Variants in TBX19 observed in about 807,000 individuals in gnomAD.
TBX19 encodes T-box transcription factor TBX19.
In TBX19, 33 loss-of-function variants were observed where a neutral mutation model predicts 40.9. The observed-to-expected ratio is 0.81, with a 90% confidence interval of 0.61 to 1.08. TBX19 has a LOEUF of 1.08. Among genes scored for constraint, TBX19 ranks in the 50% least tolerant of loss-of-function variants. The pLI is 0.00. For synonymous variants in TBX19, 220 were observed against 225.0 expected (o/e 0.98, Z 0.20); for missense variants, 494 against 574.0 (o/e 0.86, Z 1.42).
chr1:168,309,017 G>A, intron 7 of TBX19, 140 bp downstream of exon 7: 1 of 1,215,494 alleles, frequency 8.2e-7, no homozygotes, highest in Non-Finnish European at 1.2e-6. Flanking sequence ...AAGTCAAGGT[G>A]GCAACAGGGT....
intron 3 of TBX19, among the ~76,000 whole-genome samples, chr1:168,294,319 A>G (rs6696087): frequency 2.7e-5 from 4 of 150,414 alleles, no homozygotes; most frequent in Non-Finnish European, 5.9e-5. Flanking sequence ...TGGACATTTA[A>G]GTTGTTTCCA....
intron 5 of TBX19, among the ~76,000 whole-genome samples, chr1:168,302,719 C>T (rs985918517): frequency 6.6e-6 from 1 of 152,142 alleles, no homozygotes; most frequent in Non-Finnish European, 1.5e-5. Flanking sequence ...AAAATGCTTG[C>T]TGTCAAGTTG....
chr1:168,313,217 C>G lies in TBX19; in HGVS notation c.*215C>G. 1 of 620,506 alleles carries G rather than the reference C, an allele frequency of 1.6e-6. No individual in the cohort carries two copies. The highest frequency in any genetic ancestry group is 2.8e-5 in the East Asian group (1 of 35,830). The allele number at this position is 620,506 out of a possible 1,614,324, so 38.4% of individuals were successfully genotyped here. ...CTCTCCACCATTTTCTTCTGCACTC[C>G]CATTTTCTCTGCAGCTTATTCTTGC... On this transcript the variant is annotated 3_prime_UTR_variant, in exon 8 of 8. Coordinates refer to ENST00000367821, the MANE Select transcript of TBX19 (RefSeq NM_005149.3).
At chr1:168,296,511 C>G (rs1404827368) in intron 3 of TBX19, among the ~76,000 whole-genome samples, 2 of 152,104 alleles carry the variant, frequency 1.3e-5, no homozygotes, top group African/African-American at 4.8e-5. Flanking sequence ...CATCAGATCT[C>G]GTGAGACTTA....
chr1:168,297,184 G>A (rs1649133506), intron 3 of TBX19, among the ~76,000 whole-genome samples: 1 of 152,168 alleles, frequency 6.6e-6, no homozygotes, highest in Non-Finnish European at 1.5e-5. Flanking sequence ...ACAGTGAATG[G>A]CAGTGATAGT....
intron 1 of TBX19, among the ~76,000 whole-genome samples, chr1:168,287,581 G>A (rs777774624): frequency 2.0e-4 from 30 of 152,102 alleles, no homozygotes; most frequent in Non-Finnish European, 4.3e-4. Context: ...TTATTGGCAT[G>A]AGCCACCACA....
At chr1:168,294,883 CAGAT>C (rs1021369658) in intron 3 of TBX19, among the ~76,000 whole-genome samples, 1 of 152,114 alleles carries the variant, frequency 6.6e-6, no homozygotes, top group Non-Finnish European at 1.5e-5. Context: ...CACCTAGAAA[CAGAT>C]AGACATGGCC....
chr1:168,283,622 A>G (rs1648728800), intron 1 of TBX19, among the ~76,000 whole-genome samples: 1 of 151,700 alleles, frequency 6.6e-6, no homozygotes, highest in Non-Finnish European at 1.5e-5. Flanking sequence ...CTTTCTACCC[A>G]TTCTCCTATG....
chr1:168,300,599 AAC>A (rs1649254552), intron 5 of TBX19, 116 bp downstream of exon 5: 2 of 955,420 alleles, frequency 2.1e-6, no homozygotes, highest in Admixed American at 4.1e-5. Flanking sequence ...ATCAAAACCC[AAC>A]ACACAGTTTA....
intron 1 of TBX19, among the ~76,000 whole-genome samples, chr1:168,285,865 G>A (rs1648791434): frequency 6.6e-6 from 1 of 152,142 alleles, no homozygotes; most frequent in African/African-American, 2.4e-5. Context: ...ATTAGTTACT[G>A]GATCCCTAGA....
rs1649464736 is a variant in TBX19, at chr1:168,308,863, C to A, written c.1038C>A (p.Ile346=). ...ILSVPHTNGP[I]NPGPSPYPCL... The stretch of plus-strand genomic sequence containing the variant: ...CTGTACCCCACACCAACGGACCAAT[C>A]AATCCAGGGCCCAGGTAAGACCAAC... The change falls in exon 7 of 8, where the codon ATC becomes ATA. Residue 346 remains isoleucine (I), a synonymous_variant. Coordinates refer to ENST00000367821, the MANE Select transcript of TBX19 (RefSeq NM_005149.3). 1 of 1,614,016 alleles carries A rather than the reference C, an allele frequency of 6.2e-7. No individual in the cohort carries two copies. The highest frequency in any genetic ancestry group is 8.5e-7 in the Non-Finnish European group (1 of 1,180,026).
At position 168,286,186 on chromosome 1, in the gene TBX19, G is replaced by A. The variant is rs74123911; in HGVS notation, c.203+4893G>A. Among the ~76,000 whole-genome samples the A allele has an allele frequency of 7.6e-3, 1,159 of 152,246 alleles. 17 individuals are homozygous for A. The highest frequency in any genetic ancestry group is 0.026 in the African/African-American group (1,087 of 41,554). ...AATCATTCTACCATTTCCCAGATAT[G>A]TCCTCCTTCTAAGAGACAAGACACT... is the stretch of plus-strand genomic sequence containing the variant. On this transcript the variant is annotated intron_variant, in intron 1 of 7. Transcript: ENST00000367821.
chr1:168,308,455 T>A, intron 6 of TBX19: 1 of 420,330 alleles, frequency 2.4e-6, no homozygotes, highest in South Asian at 2.1e-5. Flanking sequence ...GTTAGACAGA[T>A]CGGTGTTACC....
chr1:168,305,916 A>G (rs763333663), intron 6 of TBX19, among the ~76,000 whole-genome samples: 1 of 152,234 alleles, frequency 6.6e-6, no homozygotes, highest in Non-Finnish European at 1.5e-5. Flanking sequence ...AGGATCGACT[A>G]TATGCCAGGC....
intron 5 of TBX19, 44 bp downstream of exon 5, chr1:168,300,527 C>A (rs766107151): frequency 1.3e-6 from 2 of 1,570,288 alleles, no homozygotes; most frequent in South Asian, 2.2e-5. Flanking sequence ...GGGGCTGTAC[C>A]TGGAGCCAGC....
chr1:168,282,426 G>A (rs757661113), intron 1 of TBX19, among the ~76,000 whole-genome samples: 1 of 152,178 alleles, frequency 6.6e-6, no homozygotes, highest in Non-Finnish European at 1.5e-5. Flanking sequence ...TAAAATGAAA[G>A]CCATACCTGA....
intron 5 of TBX19, among the ~76,000 whole-genome samples, chr1:168,304,080 G>A (rs995257161): frequency 4.6e-5 from 7 of 152,040 alleles, no homozygotes; most frequent in African/African-American, 9.7e-5. Flanking sequence ...CACTTTACCC[G>A]GCCCCTATTC....
At chr1:168,303,157 C>T (rs1649318393) in intron 5 of TBX19, among the ~76,000 whole-genome samples, 4 of 152,118 alleles carry the variant, frequency 2.6e-5, no homozygotes, top group Non-Finnish European at 1.5e-5. Context: ...TCGTCATTTA[C>T]ATTAGATATA....
chr1:168,289,228 A>T lies in TBX19; in HGVS notation c.204-1932A>T, dbSNP rs185230813. The stretch of plus-strand genomic sequence containing the variant: ...ACTTTTATGATTCTTTGCAAACGGC[A>T]TTTGTGTTCTCAGGATCCTTCTGTT... On this transcript the variant is annotated intron_variant, in intron 1 of 7. Transcript: ENST00000367821. Among the ~76,000 whole-genome samples, 4 of 152,306 alleles carry T rather than the reference A, an allele frequency of 2.6e-5. No homozygotes were observed. In the East Asian group the frequency reaches 7.7e-4, roughly 29 times the overall value.
Sources: gnomAD v4.1 joint callset for allele counts (sites outside exome capture counted in the v4.1 genomes callset) on GRCh38, gnomAD v4.1.1 for gene constraint, MANE v1.5 for transcripts, NCBI Gene and HGNC (gene_info 2026-07-23, HGNC 2026-07-21) for gene names.